DEPDC5: variants seen among roughly 807,000 people sequenced by gnomAD.
The protein encoded by DEPDC5 is GATOR1 complex protein DEPDC5.
Under a neutral mutation model 217.3 loss-of-function variants are expected in DEPDC5, and 73 were observed. The observed-to-expected ratio is 0.34, with a 90% CI of 0.28 to 0.41. DEPDC5 has a LOEUF of 0.41. Among genes scored for constraint, DEPDC5 ranks in the 10% least tolerant of loss-of-function variants. The probability of loss-of-function intolerance (pLI) is 1.00; values close to 1 mark genes in which losing one functional copy is unlikely to be tolerated. For missense variants in DEPDC5, 1,675 were observed against 2,070.1 expected (o/e 0.81, Z 3.70); for synonymous variants, 733 against 756.7 (o/e 0.97, Z 0.51).
At chr22:31,756,617 T>C (rs1569505873) in intron 2 of DEPDC5, among the ~76,000 whole-genome samples, 1 of 152,166 alleles carries the variant, frequency 6.6e-6, no homozygotes, top group Non-Finnish European at 1.5e-5. Flanking sequence ...TCTGCAAGAC[T>C]ATAGGTCAAA....
At chr22:31,859,781 C>T (rs2092447634) in intron 32 of DEPDC5, among the ~76,000 whole-genome samples, 1 of 152,200 alleles carries the variant, frequency 6.6e-6, no homozygotes, top group Non-Finnish European at 1.5e-5. Flanking sequence ...AACTGCTGCT[C>T]TAGGGAGTGG....
rs765158089 is a variant in DEPDC5, at chr22:31,836,956, C to CT, written c.2171-15dup. 4.4e-5 allele frequency: 71 copies of CT among 1,611,650 alleles called. No homozygotes were observed. The Admixed American group carries it at 1.1e-3, about 25-fold the overall frequency. On this transcript the variant is annotated splice_polypyrimidine_tract_variant and intron_variant, in intron 25 of 42. Coordinates refer to ENST00000651528, the MANE Select transcript of DEPDC5 (RefSeq NM_001242896.3). ...TGGTGACCACATGTACCTTTTCCCC[C>CT]TGTTACGTGAGGCAGTTCTGACACT...
intron 32 of DEPDC5, among the ~76,000 whole-genome samples, chr22:31,860,779 C>A (rs1429582119): frequency 6.6e-6 from 1 of 151,044 alleles, no homozygotes; most frequent in Non-Finnish European, 1.5e-5. Context: ...CAAGAACTTA[C>A]CCTGCCTTGA....
intron 10 of DEPDC5, among the ~76,000 whole-genome samples, chr22:31,788,877 C>T (rs886138491): frequency 8.6e-5 from 13 of 151,302 alleles, no homozygotes; most frequent in African/African-American, 2.7e-4. Flanking sequence ...CGACTGGGCC[C>T]ATATTCTTTA....
At chr22:31,798,177 C>T (rs1486141216) in intron 13 of DEPDC5, among the ~76,000 whole-genome samples, 1 of 152,184 alleles carries the variant, frequency 6.6e-6, no homozygotes, top group African/African-American at 2.4e-5. Flanking sequence ...CCTGCCTCCA[C>T]CTTCCAAAGT....
intron 40 of DEPDC5, 72 bp from the exon 41 acceptor site, chr22:31,901,667 GTAC>G: frequency 7.6e-7 from 1 of 1,317,320 alleles, no homozygotes; most frequent in Non-Finnish European, 1.1e-6. Flanking sequence ...GTAGTAAAGG[GTAC>G]AGAAGACTGG....
chr22:31,902,408 T>TATATATATATATATATATATATA (rs2093663741), intron 41 of DEPDC5, among the ~76,000 whole-genome samples: 10 of 111,928 alleles, frequency 8.9e-5, no homozygotes, highest in South Asian at 2.9e-4. Flanking sequence ...CATCTCCTTA[T>TATATATATATATATATATATATA]TATATATATA....
chr22:31,776,927 C>A (rs1201632765), intron 7 of DEPDC5, among the ~76,000 whole-genome samples: 1 of 151,796 alleles, frequency 6.6e-6, no homozygotes, highest in South Asian at 2.1e-4. Flanking sequence ...AAACATCATT[C>A]CCAAAAATGT....
In DEPDC5 at chr22:31,765,089, T is replaced by A. The variant is rs760176060; in HGVS notation, c.279+29T>A. 2.6e-6 allele frequency: 4 copies of A among 1,558,636 alleles called. No individual in the cohort carries two copies. The South Asian group carries it at 4.5e-5, about 17-fold the overall frequency. On this transcript the variant is annotated intron_variant, in intron 5 of 42. Transcript: ENST00000651528. ...TGTCTTTGTTTTGTACTTGAATATCTTTTTGGAATAAGCACCCTTCCTCAA... is the reference window on the plus strand; with the variant it reads ...TGTCTTTGTTTTGTACTTGAATATCATTTTGGAATAAGCACCCTTCCTCAA...
chr22:31,784,705 G>A, intron 9 of DEPDC5, 109 bp from the exon 10 acceptor site: 2 of 959,650 alleles, frequency 2.1e-6, no homozygotes, highest in South Asian at 3.1e-5. Context: ...TTTACTTAGG[G>A]AATTGCTTAG....
intron 5 of DEPDC5, among the ~76,000 whole-genome samples, chr22:31,766,066 ATTTAGAATGTAG>A (rs2082789165): frequency 6.6e-6 from 1 of 152,210 alleles, no homozygotes; most frequent in Non-Finnish European, 1.5e-5. Flanking sequence ...CCTACATGTC[ATTTAGAATGTAG>A]GCAGTATGTA....
At chr22:31,766,079 G>C (rs2082791356) in intron 5 of DEPDC5, among the ~76,000 whole-genome samples, 1 of 152,138 alleles carries the variant, frequency 6.6e-6, no homozygotes, top group Non-Finnish European at 1.5e-5. Flanking sequence ...TAGAATGTAG[G>C]CAGTATGTAG....
intron 12 of DEPDC5, 50 bp from the exon 13 acceptor site, chr22:31,797,550 C>T: frequency 6.6e-7 from 1 of 1,509,508 alleles, no homozygotes; most frequent in Non-Finnish European, 9.2e-7. Context: ...GACACAGAGC[C>T]AAACCATATC....
chr22:31,766,440 T>C (rs1028469542), intron 5 of DEPDC5, 145 bp from the exon 6 acceptor site: 15 of 725,088 alleles, frequency 2.1e-5, no homozygotes, highest in African/African-American at 1.8e-4. Flanking sequence ...GATATAATTC[T>C]GTTCATCAGA....
At chr22:31,869,995 C>G (rs1254767327) in intron 33 of DEPDC5, among the ~76,000 whole-genome samples, 4 of 152,134 alleles carry the variant, frequency 2.6e-5, no homozygotes, top group Admixed American at 6.5e-5. Context: ...CTGCAGAGGG[C>G]AGGCCGTGGG....
Position 31,879,615 on chromosome 22 carries a change from T to C in DEPDC5, c.3896T>C (p.Val1299Ala). The stretch of plus-strand genomic sequence containing the variant: ...CGCAAGTGGTTTGAGGTGGCCTTTG[T>C]GGCAGAAGAGCTCGTGCACTCTGAG... ...FQRKWFEVAF[V>A]AEELVHSEIP... Residue 1299 changes from valine (V) to alanine (A), a missense_variant, in exon 38 of 43, where the codon GTG becomes GCG. Val to Ala is a moderately conservative substitution (Grantham distance 64, BLOSUM62 0). This residue lies in a region of DEPDC5 where 194 missense variants were observed against 199.3 expected (regional missense o/e 0.97). Coordinates refer to ENST00000651528, the MANE Select transcript of DEPDC5 (RefSeq NM_001242896.3). 6.2e-7 allele frequency: 1 copy of C among 1,614,056 alleles called. No homozygotes were observed. The highest frequency in any genetic ancestry group is 8.5e-7 in the Non-Finnish European group (1 of 1,180,038).
chr22:31,825,680 G>A (rs2090089326), intron 24 of DEPDC5, among the ~76,000 whole-genome samples: 1 of 152,130 alleles, frequency 6.6e-6, no homozygotes, highest in Non-Finnish European at 1.5e-5. Context: ...CCTTCAAAAT[G>A]ATCTTCCTGC....
At chr22:31,887,037 C>T (rs1236510865) in intron 38 of DEPDC5, among the ~76,000 whole-genome samples, 1 of 146,958 alleles carries the variant, frequency 6.8e-6, no homozygotes, top group Non-Finnish European at 1.5e-5. Flanking sequence ...GAGCTGAGAT[C>T]GTGCCATTAC....
intron 5 of DEPDC5, among the ~76,000 whole-genome samples, chr22:31,766,231 T>C (rs2082808398): frequency 6.6e-6 from 1 of 152,178 alleles, no homozygotes; most frequent in Non-Finnish European, 1.5e-5. Context: ...GATGTTATAA[T>C]AGATAAAAAT....
Sources: allele counts gnomAD v4.1 joint callset (sites outside exome capture counted in the v4.1 genomes callset), GRCh38; gene constraint gnomAD v4.1.1; regional missense constraint gnomAD v4.1.1; transcripts MANE v1.5; gene names NCBI Gene and HGNC (gene_info 2026-07-23, HGNC 2026-07-21).